Variants in KIAA0319L observed in about 807,000 individuals in gnomAD.
The protein encoded by KIAA0319L is dyslexia-associated protein KIAA0319-like protein.
In KIAA0319L, 55 loss-of-function variants were observed where a neutral mutation model predicts 120.1. The observed-to-expected ratio is 0.46, with a 90% CI of 0.37 to 0.57. The LOEUF (loss-of-function observed/expected upper bound fraction) is 0.57. Ranked by LOEUF, KIAA0319L falls within the 20% of genes least tolerant of loss-of-function variation. The pLI is 0.00. For missense variants in KIAA0319L, 1,049 were observed against 1,255.3 expected, an observed-to-expected ratio of 0.84 and a Z score of 2.48; for synonymous variants, 398 against 471.9, an observed-to-expected ratio of 0.84 and a Z score of 2.03.
At chr1:35,536,286 C>G (rs1646570626) in intron 2 of KIAA0319L, among the ~76,000 whole-genome samples, 2 of 152,220 alleles carry the variant, frequency 1.3e-5, no homozygotes, top group South Asian at 4.1e-4. Context: ...CCTGTCTAAA[C>G]TCTAAACTAG....
intron 2 of KIAA0319L, among the ~76,000 whole-genome samples, chr1:35,536,960 A>G (rs1570993923): frequency 1.3e-5 from 2 of 151,916 alleles, no homozygotes; most frequent in Non-Finnish European, 2.9e-5. Context: ...TTCTCCCACC[A>G]CCTTATGACT....
Position 35,473,630 on chromosome 1 carries a change from C to A in KIAA0319L, c.1015+1175G>T, listed in dbSNP as rs370166568. 5.2e-4 allele frequency among the ~76,000 whole-genome samples: 79 copies of A among 152,300 alleles called. 1 individual carries two copies. The highest frequency in any genetic ancestry group is 1.9e-3 in the African/African-American group (77 of 41,562). ...GTCACCAGAGGAAGAAAGGAAAAAG[C>A]TTCTCTAGAGGAATGTGAAATGAAT... On this transcript the variant is annotated intron_variant, in intron 5 of 20. Transcript: ENST00000325722.
At chr1:35,541,146 T>C (rs903393011) in intron 2 of KIAA0319L, among the ~76,000 whole-genome samples, 1 of 151,966 alleles carries the variant, frequency 6.6e-6, no homozygotes, top group African/African-American at 2.4e-5. Flanking sequence ...CTCACTATGT[T>C]GTCCAGACTG....
intron 3 of KIAA0319L, among the ~76,000 whole-genome samples, chr1:35,489,537 C>T (rs1036852198): frequency 1.3e-5 from 2 of 152,134 alleles, no homozygotes; most frequent in Non-Finnish European, 2.9e-5. Flanking sequence ...GAGTGCTATA[C>T]AGAGACAGAA....
In KIAA0319L at chr1:35,505,261, C is replaced by T. The variant is rs149070014; in HGVS notation, c.666+1351G>A. Among the ~76,000 whole-genome samples, 9 of 152,252 alleles carry T rather than the reference C, an allele frequency of 5.9e-5. No homozygotes were observed. The East Asian group carries it at 1.5e-3, about 26-fold the overall frequency. The stretch of plus-strand genomic sequence containing the variant: ...TTATTGTAATATTCCCAGTATCCAG[C>T]TTAGTATAGTACCTCGCAAGTAAAT... On this transcript the variant is annotated intron_variant, in intron 3 of 20. Coordinates refer to ENST00000325722, the MANE Select transcript of KIAA0319L (RefSeq NM_024874.5).
chr1:35,530,266 T>C (rs1363691874), intron 2 of KIAA0319L, among the ~76,000 whole-genome samples: 1 of 151,428 alleles, frequency 6.6e-6, no homozygotes, highest in African/African-American at 2.4e-5. Context: ...ACTCAAGCGA[T>C]CTGCTTGTTT....
At chr1:35,505,721 T>C (rs1330721753) in intron 3 of KIAA0319L, among the ~76,000 whole-genome samples, 1 of 152,210 alleles carries the variant, frequency 6.6e-6, no homozygotes. Context: ...ATATTAAATC[T>C]GGGTTCCAAT....
intron 2 of KIAA0319L, among the ~76,000 whole-genome samples, chr1:35,513,289 T>TATATATATATATA (rs1491413167): frequency 1.1e-4 from 8 of 70,600 alleles, no homozygotes; most frequent in African/African-American, 4.0e-4. Context: ...TATATATATA[T>TATATATATATATA]TTTTTTTTTT....
At chr1:35,512,632 G>T (rs1238196613) in intron 2 of KIAA0319L, among the ~76,000 whole-genome samples, 1 of 151,994 alleles carries the variant, frequency 6.6e-6, no homozygotes, top group Non-Finnish European at 1.5e-5. Context: ...ACTTTGGGAG[G>T]CTAAGGCAGG....
At chr1:35,542,332 T>C (rs1224331332) in intron 2 of KIAA0319L, among the ~76,000 whole-genome samples, 1 of 152,196 alleles carries the variant, frequency 6.6e-6, no homozygotes. Flanking sequence ...CAGTACATTA[T>C]AAAACCATGA....
Position 35,456,016 on chromosome 1 carries a change from C to T in KIAA0319L, c.1653G>A (p.Met551Ile). The stretch of plus-strand genomic sequence containing the variant: ...AATAGGAACCATTCCCTCCTACCTG[C>T]ATCTCCACCACTTTCCCTTTGCTGC... ...SPSSKGKVVE[M>I]QGVRTPTLQL... is the part of the protein sequence containing the mutation. Residue 551 changes from methionine (M) to isoleucine (I), a missense_variant, in exon 10 of 21, where the codon ATG (methionine) becomes ATA (isoleucine). Transcript: ENST00000325722. The T allele has an allele frequency of 6.2e-7, 1 of 1,609,914 alleles. No homozygotes were observed. The highest frequency in any genetic ancestry group is 8.5e-7 in the Non-Finnish European group (1 of 1,177,024).
At chr1:35,508,640 C>T (rs749973578) in intron 2 of KIAA0319L, among the ~76,000 whole-genome samples, 3 of 151,928 alleles carry the variant, frequency 2.0e-5, no homozygotes, top group African/African-American at 7.3e-5. Flanking sequence ...AAAAATCAAG[C>T]TACCAACAGA....
Position 35,510,452 on chromosome 1 carries a change from CA to C in KIAA0319L, c.143-3318del, listed in dbSNP as rs577648019. The C allele has an allele frequency of 4.0e-5, 6 of 150,062 alleles. No homozygotes were observed. The South Asian group carries it at 1.1e-3, about 27-fold the overall frequency. The allele number at this position is 150,062 out of a possible 1,614,324, so 9.3% of individuals were successfully genotyped here. ...CAAGGCGTGAGCCACCACGCCTGGT[CA>C]AAACTGTCCTTTCAAGTCATCAGAG... On this transcript the variant is annotated intron_variant, in intron 2 of 20. Transcript: ENST00000325722.
In KIAA0319L at chr1:35,434,071, C is replaced by T. The variant is rs1184693487; in HGVS notation, c.*823G>A. ...TGGGGCTCCAGTGTTAAGGGGGGGC[C>T]AGATATCATTTCTTTTTTTTTTTTT... On this transcript the variant is annotated 3_prime_UTR_variant, in exon 21 of 21. Transcript: ENST00000325722. The T allele has an allele frequency of 6.7e-6, 1 of 150,328 alleles. No individual in the cohort carries two copies. The highest frequency in any genetic ancestry group is 1.5e-5 in the Non-Finnish European group (1 of 67,964). The allele number at this position is 150,328 out of a possible 1,614,324, so 9.3% of individuals were successfully genotyped here. A position where few individuals can be genotyped will look rare whatever the true frequency, so the allele number is the denominator to read the frequency against.
chr1:35,442,350 C>T lies in KIAA0319L; in HGVS notation c.2780-14G>A, dbSNP rs1205115627. On this transcript the variant is annotated splice_polypyrimidine_tract_variant and intron_variant, in intron 18 of 20. Transcript: ENST00000325722. The stretch of plus-strand genomic sequence containing the variant: ...ACACGCTCCACTCTGCCAAGAAAAT[C>T]AAAATGGTGAGGGCTGTGGAGGGAG... 3.1e-6 allele frequency: 5 copies of T among 1,603,706 alleles called. No individual in the cohort carries two copies. Among genetic ancestry groups the T allele is most frequent in the Middle Eastern group, 1.7e-4 (1 of 6,052 alleles).
intron 3 of KIAA0319L, among the ~76,000 whole-genome samples, chr1:35,503,065 G>C (rs140735458): frequency 1.2e-3 from 179 of 152,050 alleles, no homozygotes; most frequent in African/African-American, 4.2e-3. Flanking sequence ...TATCCTTCAC[G>C]ATGGCTATTT....
In KIAA0319L at chr1:35,443,165, A is replaced by G; in HGVS notation, c.2657-137T>C. 13 of 986,478 alleles carry G rather than the reference A, an allele frequency of 1.3e-5. No individual in the cohort carries two copies. In the South Asian group the frequency reaches 2.0e-4, roughly 15 times the overall value. The allele number at this position is 986,478 out of a possible 1,614,324, so 61.1% of individuals were successfully genotyped here. On this transcript the variant is annotated intron_variant, in intron 17 of 20. Coordinates refer to ENST00000325722, the MANE Select transcript of KIAA0319L (RefSeq NM_024874.5). ...AATGTCCTCGAGACCCACCTTGGGC[A>G]TGGTGCCTGCCTTTCTCATCTCGAC...
chr1:35,441,210 G>T, intron 19 of KIAA0319L, 72 bp from the exon 20 acceptor site: 1 of 1,339,048 alleles, frequency 7.5e-7, no homozygotes, highest in Non-Finnish European at 1.1e-6. Flanking sequence ...AGCCAGATGT[G>T]CATGCAGGGC....
chr1:35,479,442 G>A (rs928142639), intron 3 of KIAA0319L, among the ~76,000 whole-genome samples: 6 of 152,064 alleles, frequency 3.9e-5, no homozygotes, highest in African/African-American at 1.4e-4. Flanking sequence ...GTAATTTTCT[G>A]CATTCTAAGT....
Sources: allele counts gnomAD v4.1 joint callset (sites outside exome capture counted in the v4.1 genomes callset), GRCh38; gene constraint gnomAD v4.1.1; transcripts MANE v1.5; gene names NCBI Gene and HGNC (gene_info 2026-07-23, HGNC 2026-07-21).